The following GPBP1L1 variants were observed in gnomAD, a reference collection of about 807,000 sequenced individuals.
The protein encoded by GPBP1L1 is vasculin-like protein 1.
In GPBP1L1, 23 loss-of-function variants were observed where a neutral mutation model predicts 52.5. That is an observed-to-expected ratio of 0.44 (90% CI 0.32 to 0.62). GPBP1L1 has a LOEUF of 0.62. Among genes scored for constraint, GPBP1L1 ranks in the 20% least tolerant of loss-of-function variants. The probability of loss-of-function intolerance (pLI) is 0.06; values close to 1 mark genes in which losing one functional copy is unlikely to be tolerated. For synonymous variants in GPBP1L1, 243 were observed against 203.1 expected, an observed-to-expected ratio of 1.20 and a Z score of -1.67; for missense variants, 596 against 579.3, an observed-to-expected ratio of 1.03 and a Z score of -0.30.
At chr1:45,651,984 C>T (rs993411623) in intron 6 of GPBP1L1, among the ~76,000 whole-genome samples, 7 of 152,166 alleles carry the variant, frequency 4.6e-5, no homozygotes, top group African/African-American at 1.4e-4. Context: ...CAAGTGTATT[C>T]ACACAATATA....
chr1:45,643,685 T>G (rs1385358206), intron 6 of GPBP1L1, among the ~76,000 whole-genome samples: 9 of 126,316 alleles, frequency 7.1e-5, no homozygotes, highest in East Asian at 5.0e-4. Flanking sequence ...TTTTTTTTTT[T>G]TTGTGACAGA....
intron 7 of GPBP1L1, among the ~76,000 whole-genome samples, chr1:45,641,487 C>CACAT (rs201767953): frequency 5.3e-5 from 8 of 151,100 alleles, no homozygotes; most frequent in Admixed American, 2.0e-4. Context: ...CACACACACA[C>CACAT]GAATATTTAA....
intron 9 of GPBP1L1, 117 bp downstream of exon 9, chr1:45,633,979 T>C: frequency 2.6e-6 from 3 of 1,159,616 alleles, no homozygotes; most frequent in Non-Finnish European, 3.6e-6. Flanking sequence ...AAAGAAACTA[T>C]TCTCAGCTAA....
At chr1:45,684,136 T>C (rs1645248604) in intron 2 of GPBP1L1, among the ~76,000 whole-genome samples, 1 of 150,076 alleles carries the variant, frequency 6.7e-6, no homozygotes, top group Non-Finnish European at 1.5e-5. Flanking sequence ...TGAGCCCCTG[T>C]AATACCAGCT....
intron 2 of GPBP1L1, among the ~76,000 whole-genome samples, chr1:45,665,060 G>C (rs1225311260): frequency 1.3e-5 from 2 of 151,690 alleles, no homozygotes; most frequent in Admixed American, 1.3e-4. Context: ...AGGCCAAGGG[G>C]GTTGGATCAC....
intron 2 of GPBP1L1, among the ~76,000 whole-genome samples, chr1:45,662,681 T>A (rs1214322056): frequency 1.3e-5 from 2 of 152,154 alleles, no homozygotes; most frequent in Non-Finnish European, 2.9e-5. Context: ...GTATCTGTAA[T>A]GCCTTATTTC....
intron 2 of GPBP1L1, among the ~76,000 whole-genome samples, chr1:45,669,070 C>T (rs1645043741): frequency 6.6e-6 from 1 of 152,238 alleles, no homozygotes; most frequent in Non-Finnish European, 1.5e-5. Flanking sequence ...ACATCTTCAA[C>T]CATGAAATAG....
upstream of GPBP1L1, chr1:45,686,594 G>C (rs1458154517): frequency 2.6e-5 from 4 of 152,776 alleles, no homozygotes; most frequent in Non-Finnish European, 5.8e-5. Flanking sequence ...CCAGCAGCAC[G>C]GCCCTCCCAT....
chr1:45,648,176 G>T (rs184313706), intron 6 of GPBP1L1, among the ~76,000 whole-genome samples: 1 of 152,274 alleles, frequency 6.6e-6, no homozygotes, highest in Non-Finnish European at 1.5e-5. Context: ...CTGGACTCAA[G>T]CAATCGCCCT....
At chr1:45,639,651 C>T (rs965999718) in intron 8 of GPBP1L1, among the ~76,000 whole-genome samples, 3 of 150,448 alleles carry the variant, frequency 2.0e-5, no homozygotes, top group South Asian at 2.1e-4. Context: ...CCGAGGCGGG[C>T]GGATCACGAG....
chr1:45,644,286 T>C (rs11589799), intron 6 of GPBP1L1, among the ~76,000 whole-genome samples: 1 of 152,248 alleles, frequency 6.6e-6, no homozygotes, highest in Non-Finnish European at 1.5e-5. Context: ...TGTTTCATTT[T>C]AATAGGCATG....
intron 6 of GPBP1L1, among the ~76,000 whole-genome samples, chr1:45,653,394 C>G (rs974488224): frequency 1.3e-5 from 2 of 152,022 alleles, no homozygotes; most frequent in African/African-American, 4.8e-5. Context: ...ATTAGCTGGG[C>G]GTGGTGGCAT....
intron 4 of GPBP1L1, among the ~76,000 whole-genome samples, chr1:45,658,103 G>A (rs1262348255): frequency 6.6e-6 from 1 of 152,074 alleles, no homozygotes; most frequent in Non-Finnish European, 1.5e-5. Context: ...CTGTGACTAG[G>A]TCTGCTTTAA....
intron 2 of GPBP1L1, among the ~76,000 whole-genome samples, chr1:45,670,074 A>G (rs561907584): frequency 6.2e-4 from 95 of 152,340 alleles, no homozygotes; most frequent in African/African-American, 2.3e-3. Flanking sequence ...AGGTAATGTC[A>G]TAATACTTCT....
chr1:45,667,642 T>C (rs757938232), intron 2 of GPBP1L1, among the ~76,000 whole-genome samples: 13 of 152,214 alleles, frequency 8.5e-5, no homozygotes, highest in South Asian at 6.2e-4. Flanking sequence ...AACTTCAACT[T>C]CTATTTACAC....
At chr1:45,687,516 C>G (rs1167172067), upstream of GPBP1L1, 1 of 152,248 alleles carries the variant, frequency 6.6e-6, no homozygotes, top group Non-Finnish European at 1.5e-5. Context: ...CAGTTTTATC[C>G]ATAGACACGG....
At position 45,650,990 on chromosome 1, in the gene GPBP1L1, A is replaced by G. The variant is rs931554418; in HGVS notation, c.477+3553T>C. 72 of 344,578 alleles carry G rather than the reference A, an allele frequency of 2.1e-4. No homozygotes were observed. In the Admixed American group the frequency reaches 2.3e-3, roughly 11 times the overall value. 21.3% of individuals were successfully genotyped at this position (344,578 alleles called of 1,614,324 possible). A position where few individuals can be genotyped will look rare whatever the true frequency, so the allele number is the denominator to read the frequency against. ...GATAGAAATCTTTAGGAAAATTTGC[A>G]TTACCTTTTTATGTAAAGAAAGCTC... On this transcript the variant is annotated intron_variant, in intron 6 of 12. Transcript: ENST00000355105.
intron 2 of GPBP1L1, among the ~76,000 whole-genome samples, chr1:45,684,273 A>AG (rs1305921172): frequency 9.3e-5 from 14 of 150,706 alleles, no homozygotes; most frequent in East Asian, 1.9e-4. Flanking sequence ...AAAAAAAAAA[A>AG]AAAAGAAAAA....
intron 6 of GPBP1L1, among the ~76,000 whole-genome samples, chr1:45,653,817 G>A (rs1162862561): frequency 6.6e-6 from 1 of 150,506 alleles, no homozygotes; most frequent in Non-Finnish European, 1.5e-5. Flanking sequence ...TCCTGCCTCA[G>A]CCTCCTGAGT....
Sources: gnomAD v4.1 joint callset for allele counts (sites outside exome capture counted in the v4.1 genomes callset) on GRCh38, gnomAD v4.1.1 for gene constraint, MANE v1.5 for transcripts, NCBI Gene and HGNC (gene_info 2026-07-23, HGNC 2026-07-21) for gene names.